Variants in NUBP2 observed in about 807,000 individuals in gnomAD.
NUBP2 encodes cytosolic Fe-S cluster assembly factor NUBP2.
NUBP2 carries 23 observed loss-of-function variants against 24.9 expected under a neutral mutation model. The ratio of observed to expected loss-of-function variants is 0.92; its 90% CI spans 0.66 to 1.31. The LOEUF (loss-of-function observed/expected upper bound fraction) is 1.31, where lower values mean the gene tolerates loss of function less well. Among genes scored for constraint, NUBP2 ranks in the 50% most tolerant of loss-of-function variants. The pLI is 0.00. For synonymous variants in NUBP2, 186 were observed against 170.9 expected, an observed-to-expected ratio of 1.09 and a Z score of -0.69; for missense variants, 403 against 386.5, an observed-to-expected ratio of 1.04 and a Z score of -0.36.
At chr16:1,786,283 C>G in intron 1 of NUBP2, 1 of 527,708 alleles carries the variant, frequency 1.9e-6, no homozygotes, top group East Asian at 3.1e-5. Context: ...GGGCAGTTTC[C>G]ACTCTCAGCA....
In NUBP2 at chr16:1,788,609, G is replaced by A. The variant is rs767937301; in HGVS notation, c.711G>A (p.Glu237=). 2.5e-6 allele frequency: 4 copies of A among 1,610,212 alleles called. No individual in the cohort carries two copies. Among genetic ancestry groups the A allele is most frequent in the Admixed American group, 1.7e-5 (1 of 59,848 alleles). The change falls in exon 7 of 7, where the codon GAG becomes GAA. Residue 237 remains glutamate (E), a synonymous_variant. Transcript: ENST00000262302. The part of the protein sequence containing the change: ...PLDPALMRTL[E]EGHDFIQEFP... Reference sequence around the variant, plus strand: ...ACCCTGCGCTCATGAGGACCCTGGAGGAGGGCCACGACTTCATCCAGGAGT... The same window carrying A: ...ACCCTGCGCTCATGAGGACCCTGGAAGAGGGCCACGACTTCATCCAGGAGT...
Position 1,787,973 on chromosome 16 carries a change from G to C in NUBP2, c.522G>C (p.Leu174=). 1 of 1,605,200 alleles carries C rather than the reference G, an allele frequency of 6.2e-7. No individual in the cohort carries two copies. The highest frequency in any genetic ancestry group is 1.3e-5 in the African/African-American group (1 of 74,454). ...CCGTGGGGGACGTGAGGCGCGAGCT[G>C]ACCTTCTGTAGGAAGACGGGCTTGC... The part of the protein sequence containing the change: ...AVSVGDVRRE[L]TFCRKTGLRV... Residue 174 remains leucine, a synonymous_variant, in exon 5 of 7, where the codon CTG becomes CTC. Coordinates refer to ENST00000262302, the MANE Select transcript of NUBP2 (RefSeq NM_012225.4).
chr16:1,787,647 C>G, intron 3 of NUBP2, 30 bp from the exon 4 acceptor site: 1 of 1,608,784 alleles, frequency 6.2e-7, no homozygotes, highest in Non-Finnish European at 8.5e-7. Flanking sequence ...CTGCCCTGCC[C>G]TGACCGCCCC....
chr16:1,785,673 CT>C (rs1364076367), intron 1 of NUBP2: 4 of 1,288,846 alleles, frequency 3.1e-6, no homozygotes, highest in Non-Finnish European at 4.0e-6. Context: ...TCCGCGTCCC[CT>C]GGAGGAGACC....
Position 1,788,377 on chromosome 16 carries a change from C to T in NUBP2, c.670+170C>T, listed in dbSNP as rs143740630. On this transcript the variant is annotated intron_variant, in intron 6 of 6. Transcript: ENST00000262302. ...CGCTGAGACCTGCAGGTCATTCGCCCGCGCCCTTCTCAGGGCCCTCTCGGG... is the reference window on the plus strand; with the variant it reads ...CGCTGAGACCTGCAGGTCATTCGCCTGCGCCCTTCTCAGGGCCCTCTCGGG... 4.0e-3 allele frequency among the ~76,000 whole-genome samples: 607 copies of T among 152,296 alleles called. 3 individuals are homozygous for T. Among genetic ancestry groups the T allele is most frequent in the Middle Eastern group, 0.014 (4 of 294 alleles).
At chr16:1,787,033 C>G in intron 3 of NUBP2, 78 bp downstream of exon 3, 9 of 1,341,780 alleles carry the variant, frequency 6.7e-6, no homozygotes, top group South Asian at 1.6e-5. Context: ...GGAAATGTTC[C>G]TCTTCAGCAG....
intron 6 of NUBP2, 58 bp downstream of exon 6, chr16:1,788,265 C>T (rs868608229): frequency 1.2e-5 from 17 of 1,408,892 alleles, no homozygotes; most frequent in Admixed American, 6.0e-5. Context: ...CTGCCCTGGG[C>T]GGGTTTGACC....
At chr16:1,783,453 C>T in intron 1 of NUBP2, 2 of 1,002,540 alleles carry the variant, frequency 2.0e-6, no homozygotes, top group Non-Finnish European at 2.4e-6. Flanking sequence ...ACGCCAGAAT[C>T]TCACATGCTT....
Position 1,786,708 on chromosome 16 carries a change from G to T in NUBP2, c.136-49G>T, listed in dbSNP as rs2575351. On this transcript the variant is annotated intron_variant, in intron 2 of 6. Transcript: ENST00000262302. ...AGCCCCGGGCAGCTGCCCGCATCCC[G>T]GTGGAGGCCTGGCGGTGCCCCCGGC... 15,295 of 1,611,742 alleles carry T rather than the reference G, an allele frequency of 9.5e-3. 107 individuals are homozygous for T. Among genetic ancestry groups the T allele is most frequent in the Non-Finnish European group, 0.012 (14,040 of 1,179,424 alleles).
chr16:1,785,979 G>A, intron 1 of NUBP2: 1 of 1,205,462 alleles, frequency 8.3e-7, no homozygotes, highest in Non-Finnish European at 1.1e-6. Flanking sequence ...ATGGGACCCT[G>A]GAAGGAAGAG....
intron 1 of NUBP2, chr16:1,785,840 G>A: frequency 3.1e-6 from 4 of 1,289,106 alleles, no homozygotes; most frequent in Non-Finnish European, 4.0e-6. Context: ...ACCCTCCAAG[G>A]ACCTGTCGGG....
chr16:1,787,021 G>C, intron 3 of NUBP2, 66 bp downstream of exon 3: 4 of 1,396,362 alleles, frequency 2.9e-6, no homozygotes, highest in Non-Finnish European at 3.8e-6. Context: ...GGCCTCTCCT[G>C]TGGAAATGTT....
intron 1 of NUBP2, chr16:1,785,706 G>C (rs1896929051): frequency 7.8e-7 from 1 of 1,288,980 alleles, no homozygotes. Flanking sequence ...CTGTAGGTCT[G>C]AGGACCCGCC....
chr16:1,783,220 C>G, intron 1 of NUBP2, 184 bp downstream of exon 1: 1 of 1,166,654 alleles, frequency 8.6e-7, no homozygotes, highest in African/African-American at 1.6e-5. Context: ...CCCGCGTGCT[C>G]CTGCTTCGAT....
chr16:1,785,340 A>G, intron 1 of NUBP2: 3 of 1,100,910 alleles, frequency 2.7e-6, no homozygotes, highest in Non-Finnish European at 2.2e-6. Flanking sequence ...GGTTCCTGAC[A>G]CTAAGGCCTG....
At position 1,785,816 on chromosome 16, in the gene NUBP2, A is replaced by G. The variant is rs572175185; in HGVS notation, c.17-721A>G. 2.3e-6 allele frequency: 3 copies of G among 1,288,970 alleles called. No homozygotes were observed. In the East Asian group the frequency reaches 1.7e-4, roughly 72 times the overall value. 79.8% of individuals were successfully genotyped at this position (1,288,970 alleles called of 1,614,324 possible). A position where few individuals can be genotyped will look rare whatever the true frequency, so the allele number is the denominator to read the frequency against. On this transcript the variant is annotated intron_variant, in intron 1 of 6. Transcript: ENST00000262302. ...GGCAGGTTTTACGCATCATGTGTTG[A>G]GCCCCTCACATGCACCCTCCAAGGA...
chr16:1,788,236 G>A (rs947262969), intron 6 of NUBP2, 29 bp downstream of exon 6: 34 of 1,449,550 alleles, frequency 2.3e-5, no homozygotes, highest in Non-Finnish European at 3.1e-5. Flanking sequence ...TGCTGGGGTC[G>A]CGGCCTCCCA....
At chr16:1,785,448 C>G (rs753750587) in intron 1 of NUBP2, 8 of 1,186,648 alleles carry the variant, frequency 6.7e-6, no homozygotes, top group Non-Finnish European at 8.5e-6. Context: ...GCCGCTGGTG[C>G]CAGCACTGAT....
intron 3 of NUBP2, chr16:1,787,373 A>G (rs1897025860): frequency 8.3e-6 from 4 of 484,502 alleles, no homozygotes; most frequent in Non-Finnish European, 1.5e-5. Flanking sequence ...GGGTGCTCCC[A>G]TGTGTGGGTA....
Sources: gnomAD v4.1 joint callset for allele counts (sites outside exome capture counted in the v4.1 genomes callset) on GRCh38, gnomAD v4.1.1 for gene constraint, MANE v1.5 for transcripts, NCBI Gene and HGNC (gene_info 2026-07-23, HGNC 2026-07-21) for gene names.